Variants in TBC1D22A observed in about 807,000 individuals in gnomAD.
TBC1D22A encodes TBC1 domain family member 22A.
A neutral mutation model predicts 60.2 loss-of-function variants in TBC1D22A; 38 were observed. That is an observed-to-expected ratio of 0.63 (90% confidence interval 0.49 to 0.83). TBC1D22A has a LOEUF of 0.83. TBC1D22A is among the 40% of genes least tolerant of loss of function. The probability of loss-of-function intolerance (pLI) is 0.00; values close to 1 mark genes in which losing one functional copy is unlikely to be tolerated. For synonymous variants in TBC1D22A, 302 were observed against 281.7 expected (o/e 1.07, Z -0.72); for missense variants, 628 against 701.0 (o/e 0.90, Z 1.18).
At chr22:46,971,486 G>A (rs1191166851) in intron 8 of TBC1D22A, among the ~76,000 whole-genome samples, 1 of 152,206 alleles carries the variant, frequency 6.6e-6, no homozygotes, top group Admixed American at 6.5e-5. Context: ...CTGAGAAGAG[G>A]AAATAAAATC....
intron 8 of TBC1D22A, among the ~76,000 whole-genome samples, chr22:46,960,954 C>CAAAAA (rs397868006): frequency 2.5e-4 from 12 of 47,752 alleles, no homozygotes; most frequent in African/African-American, 3.7e-4. Flanking sequence ...GACACCATCT[C>CAAAAA]AAAAAAAAAA....
At chr22:47,114,649 A>C (rs1011462504) in intron 12 of TBC1D22A, among the ~76,000 whole-genome samples, 1 of 152,090 alleles carries the variant, frequency 6.6e-6, no homozygotes, top group Non-Finnish European at 1.5e-5. Flanking sequence ...CCAGAACATG[A>C]TTCCCCAACA....
At chr22:46,887,600 G>A (rs1394060384) in intron 5 of TBC1D22A, among the ~76,000 whole-genome samples, 1 of 152,170 alleles carries the variant, frequency 6.6e-6, no homozygotes, top group Non-Finnish European at 1.5e-5. Context: ...ACTGTTACGC[G>A]TTATAACATG....
chr22:47,171,478 G>A (rs2068449709), intron 12 of TBC1D22A, among the ~76,000 whole-genome samples: 1 of 152,160 alleles, frequency 6.6e-6, no homozygotes, highest in Non-Finnish European at 1.5e-5. Flanking sequence ...AGGGCCATCT[G>A]AGCAGTGTAG....
chr22:46,901,812 A>G (rs912768151), intron 7 of TBC1D22A, among the ~76,000 whole-genome samples: 3 of 152,242 alleles, frequency 2.0e-5, no homozygotes, highest in Non-Finnish European at 2.9e-5. Context: ...TGTACATCCC[A>G]CAGGTCTTCT....
At chr22:47,067,532 C>A (rs954172420) in intron 11 of TBC1D22A, among the ~76,000 whole-genome samples, 2 of 152,210 alleles carry the variant, frequency 1.3e-5, no homozygotes, top group African/African-American at 4.8e-5. Flanking sequence ...CAGAGAATTC[C>A]CTTCTGATCA....
chr22:47,152,347 C>A (rs2067536759), intron 12 of TBC1D22A, among the ~76,000 whole-genome samples: 1 of 152,104 alleles, frequency 6.6e-6, no homozygotes, highest in South Asian at 2.1e-4. Flanking sequence ...GGGTTCCCCC[C>A]CTGGCCCCTG....
Position 47,156,889 on chromosome 22 carries a change from T to C in TBC1D22A, c.1426-16609T>C, listed in dbSNP as rs114548775. Among the ~76,000 whole-genome samples the C allele has an allele frequency of 3.5e-3, 537 of 152,346 alleles. 3 individuals carry two copies. The highest frequency in any genetic ancestry group is 0.012 in the African/African-American group (510 of 41,580). On this transcript the variant is annotated intron_variant, in intron 12 of 12. Transcript: ENST00000337137. ...GCTGCACCCATTTGCCGTCTCCTTC[T>C]GTCGTCCTGGCCACAGCCCCATGGT...
At chr22:47,052,806 C>G (rs752314574) in intron 11 of TBC1D22A, among the ~76,000 whole-genome samples, 1 of 152,234 alleles carries the variant, frequency 6.6e-6, no homozygotes, top group Non-Finnish European at 1.5e-5. Flanking sequence ...CAGGCCACTG[C>G]TCCCCAATCA....
At chr22:46,896,640 C>T (rs1413010140) in intron 7 of TBC1D22A, among the ~76,000 whole-genome samples, 2 of 152,150 alleles carry the variant, frequency 1.3e-5, no homozygotes, top group African/African-American at 4.8e-5. Context: ...CTGCCACATT[C>T]ATATAGATCT....
rs756329742 is a variant in TBC1D22A at position 46,974,315 on chromosome 22, C to T, written c.1041C>T (p.Asp347=). ...YIEAEEVDTV[D]VSGVPAEVLC... ...AGGCAGAGGAGGTGGACACGGTGGA[C>T]GTCTCCGGCGTGCCCGCAGAGGTGC... The change falls in exon 9 of 13, where the codon GAC becomes GAT. Residue 347 remains aspartate (D), a synonymous_variant. Coordinates refer to ENST00000337137, the MANE Select transcript of TBC1D22A (RefSeq NM_014346.5). 4.0e-5 allele frequency: 64 copies of T among 1,601,548 alleles called. No homozygotes were observed. The highest frequency in any genetic ancestry group is 1.6e-4 in the Middle Eastern group (1 of 6,078).
At chr22:47,017,757 G>A (rs933040540) in intron 10 of TBC1D22A, among the ~76,000 whole-genome samples, 1 of 152,180 alleles carries the variant, frequency 6.6e-6, no homozygotes, top group Non-Finnish European at 1.5e-5. Context: ...CTGTCAGAAT[G>A]GGGTAAGGGG....
chr22:46,845,894 G>A (rs988431124), intron 4 of TBC1D22A, among the ~76,000 whole-genome samples: 3 of 152,318 alleles, frequency 2.0e-5, no homozygotes, highest in East Asian at 1.9e-4. Flanking sequence ...AAGGAACCGC[G>A]GCGAGCCGAT....
intron 4 of TBC1D22A, among the ~76,000 whole-genome samples, chr22:46,863,168 G>A (rs1013662922): frequency 9.9e-5 from 15 of 152,128 alleles, no homozygotes; most frequent in African/African-American, 3.1e-4. Flanking sequence ...CATGCGCCCC[G>A]TCCTCCCAGG....
chr22:46,795,308 G>A (rs1051332714), intron 3 of TBC1D22A, among the ~76,000 whole-genome samples: 3 of 152,214 alleles, frequency 2.0e-5, no homozygotes, highest in African/African-American at 4.8e-5. Context: ...AGCTCTGTGA[G>A]CCTCTCAGCA....
chr22:46,891,192 T>A lies in TBC1D22A; in HGVS notation c.709-74T>A, dbSNP rs542165209. The A allele has an allele frequency of 2.7e-6, 4 of 1,462,516 alleles. No homozygotes were observed. The African/African-American group carries it at 5.9e-5, about 21-fold the overall frequency. The allele number at this position is 1,462,516 out of a possible 1,614,324, so 90.6% of individuals were successfully genotyped here. A position where few individuals can be genotyped will look rare whatever the true frequency, so the allele number is the denominator to read the frequency against. ...AGCTTAGGTATGATGCAAGTCTTTTTATTTCACGCTTAATAATAGGGACTC... is the reference window on the plus strand; with the variant it reads ...AGCTTAGGTATGATGCAAGTCTTTTAATTTCACGCTTAATAATAGGGACTC... On this transcript the variant is annotated intron_variant, in intron 5 of 12. Transcript: ENST00000337137.
At chr22:47,038,282 C>T (rs371524197) in intron 11 of TBC1D22A, among the ~76,000 whole-genome samples, 19 of 152,166 alleles carry the variant, frequency 1.2e-4, no homozygotes, top group Admixed American at 5.9e-4. Flanking sequence ...ATCGGCTGCA[C>T]GTTCAGGATT....
intron 5 of TBC1D22A, among the ~76,000 whole-genome samples, chr22:46,886,134 C>T (rs901440387): frequency 6.6e-6 from 1 of 152,076 alleles, no homozygotes; most frequent in Non-Finnish European, 1.5e-5. Flanking sequence ...CTCCTGACCT[C>T]GTGATCTGCC....
chr22:47,010,172 G>A (rs1488506550), intron 10 of TBC1D22A, among the ~76,000 whole-genome samples: 1 of 152,158 alleles, frequency 6.6e-6, no homozygotes, highest in Non-Finnish European at 1.5e-5. Context: ...GGTTAAAATT[G>A]ACTTATTCTT....
Sources: gnomAD v4.1 joint callset for allele counts (sites outside exome capture counted in the v4.1 genomes callset) on GRCh38, gnomAD v4.1.1 for gene constraint, MANE v1.5 for transcripts, NCBI Gene and HGNC (gene_info 2026-07-23, HGNC 2026-07-21) for gene names.